The following PALM2AKAP2 variants were observed in gnomAD, a reference collection of about 807,000 sequenced individuals.
PALM2AKAP2 encodes the protein PALM2 and AKAP2 fusion, also known as PALM2-AKAP2 fusion protein.
In PALM2AKAP2, 37 loss-of-function variants were observed where a neutral mutation model predicts 71.5. The ratio of observed to expected loss-of-function variants is 0.52; its 90% confidence interval spans 0.40 to 0.68. The LOEUF (loss-of-function observed/expected upper bound fraction) is 0.68. Among genes scored for constraint, PALM2AKAP2 ranks in the 30% least tolerant of loss-of-function variants. The pLI, the probability that PALM2AKAP2 is intolerant of heterozygous loss-of-function variation, is 0.00. For missense variants in PALM2AKAP2, 1,224 were observed against 1,191.8 expected (o/e 1.03, Z -0.40); for synonymous variants, 468 against 478.8 (o/e 0.98, Z 0.29).
chr9:109,754,947 C>T (rs1030312953), intron 1 of PALM2AKAP2, among the ~76,000 whole-genome samples: 10 of 152,126 alleles, frequency 6.6e-5, no homozygotes, highest in African/African-American at 2.4e-4. Context: ...AGACTCCAAA[C>T]CTAGTCATCA....
chr9:110,150,207 C>T (rs771087147), intron 2 of PALM2AKAP2, among the ~76,000 whole-genome samples: 10 of 152,210 alleles, frequency 6.6e-5, no homozygotes, highest in African/African-American at 7.2e-5. Context: ...CAGCAGAAAC[C>T]GACCATTCTG....
intron 3 of PALM2AKAP2, among the ~76,000 whole-genome samples, chr9:109,917,245 C>T (rs1355239320): frequency 6.6e-6 from 1 of 152,178 alleles, no homozygotes; most frequent in East Asian, 1.9e-4. Flanking sequence ...GGATTCTCCC[C>T]TAGAGCCTGC....
intron 1 of PALM2AKAP2, among the ~76,000 whole-genome samples, chr9:110,130,763 A>C (rs867393563): frequency 1.7e-4 from 26 of 152,196 alleles, no homozygotes; most frequent in African/African-American, 5.5e-4. Context: ...TTAGTTTTCA[A>C]ACCTCAAACA....
intron 1 of PALM2AKAP2, among the ~76,000 whole-genome samples, chr9:109,665,558 G>A (rs1379238225): frequency 6.6e-6 from 1 of 152,172 alleles, no homozygotes; most frequent in Non-Finnish European, 1.5e-5. Context: ...CCTTCCTCTG[G>A]AAGCTTTGTC....
exon 4 of PALM2AKAP2, chr9:110,170,589 C>CT (rs1316005358): frequency 6.6e-6 from 1 of 152,224 alleles, no homozygotes; most frequent in African/African-American, 2.4e-5. Flanking sequence ...TTGGCACCAT[C>CT]TTTATATGGT....
At chr9:109,776,016 G>C (rs1002966033), upstream of PALM2AKAP2, among the ~76,000 whole-genome samples, 12 of 152,196 alleles carry the variant, frequency 7.9e-5, no homozygotes, top group Non-Finnish European at 8.8e-5. Context: ...CTAGTGATTT[G>C]TTACATACAT....
chr9:109,834,020 C>T (rs1828382294), intron 1 of PALM2AKAP2, among the ~76,000 whole-genome samples: 1 of 152,208 alleles, frequency 6.6e-6, no homozygotes, highest in Non-Finnish European at 1.5e-5. Flanking sequence ...CGAGACCAGT[C>T]TGACCAACAT....
chr9:110,146,015 C>A (rs1836160633), intron 2 of PALM2AKAP2, among the ~76,000 whole-genome samples: 1 of 150,264 alleles, frequency 6.7e-6, no homozygotes. Flanking sequence ...TCTCCTGCCT[C>A]AGCCTCCCGA....
chr9:110,082,400 C>T (rs57164465), intron 1 of PALM2AKAP2, among the ~76,000 whole-genome samples: 5,731 of 152,108 alleles, frequency 0.038, 358 homozygotes, highest in African/African-American at 0.12. Flanking sequence ...TCTAAAACAC[C>T]GTAGGAAGTG....
chr9:109,970,619 G>C (rs1832047527), intron 6 of PALM2AKAP2, among the ~76,000 whole-genome samples: 1 of 152,206 alleles, frequency 6.6e-6, no homozygotes, highest in South Asian at 2.1e-4. Context: ...TCTGGGGCAG[G>C]CTGCCTGGTG....
chr9:109,717,677 G>T (rs1397421229), intron 1 of PALM2AKAP2, among the ~76,000 whole-genome samples: 1 of 152,234 alleles, frequency 6.6e-6, no homozygotes, highest in Admixed American at 6.5e-5. Flanking sequence ...CTGATCTCTG[G>T]CTAGGCTCAC....
At chr9:110,138,746 T>C (rs2119118324) in intron 2 of PALM2AKAP2, among the ~76,000 whole-genome samples, 2 of 152,354 alleles carry the variant, frequency 1.3e-5, no homozygotes, top group East Asian at 3.9e-4. Flanking sequence ...GCATGGAGTT[T>C]GCCACTTTCC....
intron 1 of PALM2AKAP2, among the ~76,000 whole-genome samples, chr9:109,836,066 C>T (rs10816893): frequency 0.15 from 22,791 of 152,172 alleles, 1,829 homozygotes; most frequent in Middle Eastern, 0.18. Context: ...GATCTGAGAA[C>T]GGTCAGTCTG....
At chr9:109,995,739 G>A (rs542168952) in intron 6 of PALM2AKAP2, among the ~76,000 whole-genome samples, 1 of 152,206 alleles carries the variant, frequency 6.6e-6, no homozygotes. Flanking sequence ...GGCATTATGG[G>A]AGCTACAATT....
intron 6 of PALM2AKAP2, among the ~76,000 whole-genome samples, chr9:109,934,501 T>C (rs1187646335): frequency 6.6e-6 from 1 of 151,612 alleles, no homozygotes; most frequent in African/African-American, 2.4e-5. Context: ...ATTGAGATGA[T>C]GAGATTGCCT....
At chr9:109,832,433 G>T (rs1828329904) in intron 1 of PALM2AKAP2, among the ~76,000 whole-genome samples, 1 of 152,156 alleles carries the variant, frequency 6.6e-6, no homozygotes, top group Admixed American at 6.5e-5. Context: ...CACAGTGCTG[G>T]GCTCACACTA....
At chr9:110,136,880 A>G in exon 2 of PALM2AKAP2, 3 of 1,614,208 alleles carry the variant, frequency 1.9e-6, no homozygotes, top group Non-Finnish European at 2.5e-6. Flanking sequence ...TTCAGAGGAG[A>G]TGCTGGAGCT....
At chr9:109,992,165 G>A (rs951037429) in intron 6 of PALM2AKAP2, among the ~76,000 whole-genome samples, 2 of 152,242 alleles carry the variant, frequency 1.3e-5, no homozygotes, top group Admixed American at 6.5e-5. Flanking sequence ...GTGCTTCCGG[G>A]CCTCTCTCAG....
intron 1 of PALM2AKAP2, among the ~76,000 whole-genome samples, chr9:109,725,092 T>C (rs1828457090): frequency 6.6e-6 from 1 of 151,720 alleles, no homozygotes; most frequent in South Asian, 2.1e-4. Flanking sequence ...TCAATGGCAA[T>C]CAAAAAAAAG....
Sources: allele counts gnomAD v4.1 joint callset (sites outside exome capture counted in the v4.1 genomes callset), GRCh38; gene constraint gnomAD v4.1.1; transcripts MANE v1.5; gene names NCBI Gene and HGNC (gene_info 2026-07-23, HGNC 2026-07-21).